Variants in NRXN1 observed in about 807,000 individuals in gnomAD.
NRXN1 encodes the protein neurexin-1.
Under a neutral mutation model 150.9 loss-of-function variants are expected in NRXN1, and 39 were observed. That is an observed-to-expected ratio of 0.26 (90% CI 0.20 to 0.34). NRXN1 has a LOEUF of 0.34. NRXN1 is among the 10% of genes least tolerant of loss of function. The pLI, the probability that NRXN1 is intolerant of heterozygous loss-of-function variation, is 1.00. For synonymous variants in NRXN1, 924 were observed against 757.0 expected (o/e 1.22, Z -3.62); for missense variants, 1,815 against 1,949.9 (o/e 0.93, Z 1.30).
At chr2:50,941,051 T>A (rs1689367250) in intron 2 of NRXN1, among the ~76,000 whole-genome samples, 1 of 152,162 alleles carries the variant, frequency 6.6e-6, no homozygotes, top group African/African-American at 2.4e-5. Context: ...GCTGTTCTCA[T>A]GATAGAATTC....
chr2:50,073,171 T>C (rs1182269705), intron 19 of NRXN1, among the ~76,000 whole-genome samples: 1 of 152,166 alleles, frequency 6.6e-6, no homozygotes, highest in Non-Finnish European at 1.5e-5. Context: ...GTCACCTAGC[T>C]TAGCTCCAGA....
At chr2:50,839,637 T>C (rs974646111) in intron 5 of NRXN1, among the ~76,000 whole-genome samples, 1 of 152,124 alleles carries the variant, frequency 6.6e-6, no homozygotes, top group Non-Finnish European at 1.5e-5. Context: ...GGATGAATAA[T>C]ACATCAATTC....
intron 5 of NRXN1, among the ~76,000 whole-genome samples, chr2:50,688,217 C>T (rs966467636): frequency 1.3e-5 from 2 of 152,158 alleles, no homozygotes; most frequent in African/African-American, 4.8e-5. Flanking sequence ...TTTCCTGAGA[C>T]TAATGCTGTC....
chr2:49,988,063 C>A (rs577296588), intron 21 of NRXN1, among the ~76,000 whole-genome samples: 1 of 151,856 alleles, frequency 6.6e-6, no homozygotes, highest in South Asian at 2.1e-4. Context: ...TGAAAGGCAC[C>A]CACTTAGTAA....
chr2:50,359,716 C>T (rs942727748), intron 17 of NRXN1, among the ~76,000 whole-genome samples: 4 of 151,940 alleles, frequency 2.6e-5, no homozygotes, highest in East Asian at 3.9e-4. Flanking sequence ...TTGCCCAACC[C>T]GCAAGACAGG....
At chr2:50,102,022 G>T (rs900581684) in intron 18 of NRXN1, among the ~76,000 whole-genome samples, 5 of 151,896 alleles carry the variant, frequency 3.3e-5, no homozygotes, top group Admixed American at 1.3e-4. Context: ...GTGTGTATAT[G>T]GGCATAGAAA....
chr2:51,003,691 T>C (rs1008361593), intron 2 of NRXN1, among the ~76,000 whole-genome samples: 11 of 151,968 alleles, frequency 7.2e-5, no homozygotes, highest in Admixed American at 4.6e-4. Context: ...CAATATATCC[T>C]GCTTGTACAC....
At chr2:50,450,879 G>T (rs936746016) in intron 17 of NRXN1, among the ~76,000 whole-genome samples, 1 of 152,170 alleles carries the variant, frequency 6.6e-6, no homozygotes, top group African/African-American at 2.4e-5. Flanking sequence ...ATAACCTCAT[G>T]AAAAGTTACT....
intron 19 of NRXN1, among the ~76,000 whole-genome samples, chr2:50,085,183 A>G (rs1698606922): frequency 6.6e-6 from 1 of 152,222 alleles, no homozygotes; most frequent in Admixed American, 6.5e-5. Context: ...TCATCTATGC[A>G]TGTAAGTATA....
At chr2:50,598,116 CAACAGGGCAA>C (rs1222118456) in intron 8 of NRXN1, among the ~76,000 whole-genome samples, 1 of 151,404 alleles carries the variant, frequency 6.6e-6, no homozygotes, top group Non-Finnish European at 1.5e-5. Context: ...CCAGCCTGGG[CAACAGGGCAA>C]AACTGCGTCT....
At chr2:50,228,271 T>G (rs1460927622) in intron 18 of NRXN1, among the ~76,000 whole-genome samples, 5 of 152,074 alleles carry the variant, frequency 3.3e-5, no homozygotes, top group Non-Finnish European at 5.9e-5. Context: ...AATTCCATCT[T>G]TTTTTCCTTT....
At chr2:51,023,867 T>G (rs1226675377) in intron 2 of NRXN1, among the ~76,000 whole-genome samples, 1 of 152,156 alleles carries the variant, frequency 6.6e-6, no homozygotes, top group Admixed American at 6.5e-5. Flanking sequence ...TTAAGTCACA[T>G]GTATCATACT....
chr2:50,231,593 C>T (rs1444323711), intron 18 of NRXN1, among the ~76,000 whole-genome samples: 1 of 152,088 alleles, frequency 6.6e-6, no homozygotes, highest in African/African-American at 2.4e-5. Context: ...ACAATTCACT[C>T]ATCAAATTTG....
At chr2:49,988,734 A>G (rs1235116614) in intron 21 of NRXN1, among the ~76,000 whole-genome samples, 3 of 152,158 alleles carry the variant, frequency 2.0e-5, no homozygotes, top group African/African-American at 7.2e-5. Flanking sequence ...GGGAGGGAAA[A>G]GAGATGATTA....
At chr2:50,294,447 T>C (rs1473784186) in intron 17 of NRXN1, among the ~76,000 whole-genome samples, 1 of 152,190 alleles carries the variant, frequency 6.6e-6, no homozygotes, top group Non-Finnish European at 1.5e-5. Context: ...AAATAGCAAA[T>C]AGTAATTTAT....
chr2:50,721,541 T>C (rs1486468429), intron 5 of NRXN1, among the ~76,000 whole-genome samples: 1 of 152,174 alleles, frequency 6.6e-6, no homozygotes, highest in Non-Finnish European at 1.5e-5. Flanking sequence ...TGTTCTCCTT[T>C]GTGCCTGACA....
At chr2:50,776,889 G>A (rs1703716199) in intron 5 of NRXN1, among the ~76,000 whole-genome samples, 2 of 152,152 alleles carry the variant, frequency 1.3e-5, no homozygotes, top group Admixed American at 6.6e-5. Context: ...AGTGCCCACC[G>A]ATCCTAGTCC....
At chr2:50,696,149 G>A (rs1331246343) in intron 5 of NRXN1, 1 of 151,194 alleles carries the variant, frequency 6.6e-6, no homozygotes, top group Non-Finnish European at 1.5e-5. Flanking sequence ...AGTCGACTAT[G>A]GAAATTTTAA....
intron 17 of NRXN1, among the ~76,000 whole-genome samples, chr2:50,335,727 G>A (rs770719105): frequency 1.3e-5 from 2 of 152,114 alleles, no homozygotes; most frequent in South Asian, 2.1e-4. Context: ...TGTTAACATC[G>A]TGTTGTCCTC....
Sources: gnomAD v4.1 joint callset for allele counts (sites outside exome capture counted in the v4.1 genomes callset) on GRCh38, gnomAD v4.1.1 for gene constraint, MANE v1.5 for transcripts, NCBI Gene and HGNC (gene_info 2026-07-23, HGNC 2026-07-21) for gene names.